Variants in SLC14A2 observed in about 807,000 individuals in gnomAD.
SLC14A2 encodes solute carrier family 14 member 2.
Under a neutral mutation model 104.6 loss-of-function variants are expected in SLC14A2, and 91 were observed. The ratio of observed to expected loss-of-function variants is 0.87; its 90% CI spans 0.73 to 1.04. SLC14A2 has a LOEUF of 1.04. Among genes scored for constraint, SLC14A2 ranks in the 50% least tolerant of loss-of-function variants. The pLI, the probability that SLC14A2 is intolerant of heterozygous loss-of-function variation, is 0.00. For synonymous variants in SLC14A2, 476 were observed against 466.4 expected (o/e 1.02, Z -0.27); for missense variants, 1,189 against 1,156.0 (o/e 1.03, Z -0.41).
At chr18:45,242,571 T>C (rs1343021855) in intron 1 of SLC14A2, among the ~76,000 whole-genome samples, 1 of 152,186 alleles carries the variant, frequency 6.6e-6, no homozygotes, top group Non-Finnish European at 1.5e-5. Flanking sequence ...ACTGCCAGCA[T>C]ATGGTGAGAT....
intron 1 of SLC14A2, among the ~76,000 whole-genome samples, chr18:45,438,775 G>A (rs1294692282): frequency 2.0e-5 from 3 of 152,150 alleles, no homozygotes; most frequent in South Asian, 2.1e-4. Context: ...AGGAATACTG[G>A]CCATCTTCCT....
the SLC14A2 span, among the ~76,000 whole-genome samples, chr18:45,207,154 T>C: frequency 1.2e-3 from 184 of 152,270 alleles, no homozygotes; most frequent in Middle Eastern, 6.8e-3. Flanking sequence ...TTTGCAAGCA[T>C]TTTAAGTAGA....
At chr18:45,204,920 TTGTA>T in the SLC14A2 span, among the ~76,000 whole-genome samples, 1 of 152,072 alleles carries the variant, frequency 6.6e-6, no homozygotes, top group Admixed American at 6.5e-5. Flanking sequence ...AGAGAGAAGT[TTGTA>T]TGAAGAAAGA....
intron 1 of SLC14A2, among the ~76,000 whole-genome samples, chr18:45,622,535 G>A (rs551065002): frequency 3.6e-4 from 55 of 152,252 alleles, no homozygotes; most frequent in South Asian, 2.7e-3. Context: ...GAGGGTCATC[G>A]GCAGGGAGAT....
the SLC14A2 span, among the ~76,000 whole-genome samples, chr18:45,196,258 T>A: frequency 9.8e-5 from 15 of 152,358 alleles, no homozygotes; most frequent in African/African-American, 3.1e-4. Flanking sequence ...CTAAAGTTGA[T>A]TTAACAATAT....
At chr18:45,645,762 A>G (rs1233226878) in intron 10 of SLC14A2, among the ~76,000 whole-genome samples, 2 of 152,030 alleles carry the variant, frequency 1.3e-5, no homozygotes, top group African/African-American at 2.4e-5. Context: ...AAGTAGCCAT[A>G]GACAACGTGT....
chr18:45,419,226 C>T (rs1035757555), intron 1 of SLC14A2, among the ~76,000 whole-genome samples: 3 of 152,196 alleles, frequency 2.0e-5, no homozygotes, highest in Non-Finnish European at 1.5e-5. Context: ...GGAGAATCTT[C>T]ATGGAATTGT....
At chr18:45,217,301 C>T (rs969217423) in intron 1 of SLC14A2, among the ~76,000 whole-genome samples, 2 of 146,524 alleles carry the variant, frequency 1.4e-5, no homozygotes, top group South Asian at 2.1e-4. Flanking sequence ...TGTATATATA[C>T]ATCATCATAT....
At chr18:45,573,642 A>ACC (rs1274611499) in intron 2 of SLC14A2, among the ~76,000 whole-genome samples, 1 of 152,242 alleles carries the variant, frequency 6.6e-6, no homozygotes, top group East Asian at 1.9e-4. Flanking sequence ...TGGAAGCCAG[A>ACC]CCACCCATAC....
chr18:45,248,159 G>A lies in SLC14A2; in HGVS notation c.-125+34968G>A, dbSNP rs1599610612. Among the ~76,000 whole-genome samples, 4 of 152,294 alleles carry A rather than the reference G, an allele frequency of 2.6e-5. No individual in the cohort carries two copies. The East Asian group carries it at 7.7e-4, about 29-fold the overall frequency. Reference sequence around the variant, plus strand: ...TGGCAAGAGTCACTGATTGGAAGAGGAAGGAAATGTAGGGAGGTGGCAAAA... The same window carrying A: ...TGGCAAGAGTCACTGATTGGAAGAGAAAGGAAATGTAGGGAGGTGGCAAAA... On this transcript the variant is annotated intron_variant, in intron 1 of 20. Transcript: ENST00000586448.
intron 1 of SLC14A2, among the ~76,000 whole-genome samples, chr18:45,440,665 G>T (rs562474574): frequency 6.6e-6 from 1 of 152,266 alleles, no homozygotes; most frequent in East Asian, 1.9e-4. Flanking sequence ...TCACTTACAA[G>T]GTACATGACG....
At chr18:45,453,362 T>C (rs1437474750) in intron 1 of SLC14A2, among the ~76,000 whole-genome samples, 2 of 152,114 alleles carry the variant, frequency 1.3e-5, no homozygotes, top group African/African-American at 4.8e-5. Flanking sequence ...GGGCACAAAA[T>C]TGACAGAGGT....
chr18:45,315,101 T>C (rs986062701), intron 1 of SLC14A2, among the ~76,000 whole-genome samples: 2 of 152,076 alleles, frequency 1.3e-5, no homozygotes, highest in Admixed American at 1.3e-4. Context: ...AATGGCTCCC[T>C]GACAATAAGA....
At chr18:45,567,403 C>CTGAT (rs1368095858) in intron 2 of SLC14A2, among the ~76,000 whole-genome samples, 5 of 152,194 alleles carry the variant, frequency 3.3e-5, no homozygotes, top group Admixed American at 1.3e-4. Context: ...GGGACCCCGA[C>CTGAT]TGATAGAGAG....
intron 1 of SLC14A2, among the ~76,000 whole-genome samples, chr18:45,333,404 T>A (rs1366613293): frequency 6.6e-6 from 1 of 152,184 alleles, no homozygotes; most frequent in Non-Finnish European, 1.5e-5. Context: ...ATAATACAGG[T>A]AGGAGCTATC....
chr18:45,530,795 C>T (rs1006096033), intron 2 of SLC14A2, among the ~76,000 whole-genome samples: 26 of 151,940 alleles, frequency 1.7e-4, no homozygotes, highest in African/African-American at 6.3e-4. Flanking sequence ...GTGTGCTGAA[C>T]CCATTAACTC....
intron 2 of SLC14A2, among the ~76,000 whole-genome samples, chr18:45,552,617 G>GT (rs1309034149): frequency 2.0e-5 from 3 of 152,190 alleles, no homozygotes; most frequent in Non-Finnish European, 1.5e-5. Context: ...GGGTGTGTGT[G>GT]GAAAAACAAA....
At chr18:45,279,302 T>G (rs960266085) in intron 1 of SLC14A2, among the ~76,000 whole-genome samples, 33 of 152,238 alleles carry the variant, frequency 2.2e-4, no homozygotes, top group African/African-American at 7.7e-4. Context: ...AACAGGTCAC[T>G]TGAAGCATTT....
intron 1 of SLC14A2, among the ~76,000 whole-genome samples, chr18:45,377,634 C>T (rs181623018): frequency 2.9e-4 from 44 of 152,142 alleles, no homozygotes; most frequent in Admixed American, 2.6e-3. Context: ...CAGATTCATC[C>T]CCTTCTTTCC....
Sources: gnomAD v4.1 joint callset for allele counts (sites outside exome capture counted in the v4.1 genomes callset) on GRCh38, gnomAD v4.1.1 for gene constraint, MANE v1.5 for transcripts, NCBI Gene and HGNC (gene_info 2026-07-23, HGNC 2026-07-21) for gene names.